Variants in SERPINI1 observed in about 807,000 individuals in gnomAD.
SERPINI1 encodes the protein neuroserpin.
A neutral mutation model predicts 41.1 loss-of-function variants in SERPINI1; 19 were observed. That is an observed-to-expected ratio of 0.46 (90% confidence interval 0.32 to 0.68). SERPINI1 has a LOEUF of 0.68. SERPINI1 is among the 30% of genes least tolerant of loss of function. SERPINI1 has a pLI of 0.03. For missense variants in SERPINI1, 460 were observed against 479.2 expected, an observed-to-expected ratio of 0.96 and a Z score of 0.37; for synonymous variants, 138 against 156.6, an observed-to-expected ratio of 0.88 and a Z score of 0.89.
rs765347701 is a variant in SERPINI1 at position 167,825,275 on chromosome 3, G to A, written c.1185G>A (p.Met395Ile). 1.9e-6 allele frequency: 3 copies of A among 1,613,348 alleles called. No individual in the cohort carries two copies. In the South Asian group the frequency reaches 3.3e-5, roughly 18 times the overall value. The change falls in exon 9 of 9, where the codon ATG becomes ATA. Residue 395 changes from methionine to isoleucine, a missense_variant. Coordinates refer to ENST00000446050, the MANE Select transcript of SERPINI1 (RefSeq NM_001122752.2). Reference sequence around the variant, plus strand: ...CAATTCTATTCATGGGACGAGTCATGCATCCTGAAACAATGAACACAAGTG... The same window carrying A: ...CAATTCTATTCATGGGACGAGTCATACATCCTGAAACAATGAACACAAGTG... ...TGTILFMGRVMHPETMNTSGH... is the reference protein window; with the variant it reads ...TGTILFMGRVIHPETMNTSGH...
chr3:167,789,828 T>A (rs1329753698), intron 2 of SERPINI1, among the ~76,000 whole-genome samples: 1 of 152,210 alleles, frequency 6.6e-6, no homozygotes, highest in Non-Finnish European at 1.5e-5. Flanking sequence ...AGTGTTATCT[T>A]ATTATAAAAA....
intron 1 of SERPINI1, among the ~76,000 whole-genome samples, chr3:167,766,453 A>G (rs773870986): frequency 2.2e-4 from 34 of 152,160 alleles, no homozygotes; most frequent in Non-Finnish European, 2.8e-4. Context: ...CCCTGATTCA[A>G]TTATCTCCCA....
At chr3:167,806,736 C>CATG (rs1345746103) in intron 5 of SERPINI1, among the ~76,000 whole-genome samples, 1 of 151,814 alleles carries the variant, frequency 6.6e-6, no homozygotes, top group Non-Finnish European at 1.5e-5. Flanking sequence ...TAACCTTGTC[C>CATG]ATGGCATTGA....
chr3:167,784,133 T>C (rs936765338), intron 1 of SERPINI1, among the ~76,000 whole-genome samples: 3 of 115,570 alleles, frequency 2.6e-5, no homozygotes, highest in Non-Finnish European at 5.4e-5. Context: ...CTAACATTGC[T>C]TTTTTTTTCT....
At chr3:167,745,964 ATAT>A (rs1725851493) in intron 1 of SERPINI1, among the ~76,000 whole-genome samples, 1 of 152,164 alleles carries the variant, frequency 6.6e-6, no homozygotes, top group Admixed American at 6.5e-5. Context: ...GAAAGACTTA[ATAT>A]TGTTGGGATG....
Position 167,789,148 on chromosome 3 carries a change from T to C in SERPINI1, c.20T>C (p.Phe7Ser), listed in dbSNP as rs191197474. 9 of 1,614,140 alleles carry C rather than the reference T, an allele frequency of 5.6e-6. No individual in the cohort carries two copies. Among genetic ancestry groups the C allele is most frequent in the Non-Finnish European group, 7.6e-6 (9 of 1,179,994 alleles). The change falls in exon 2 of 9, where the codon TTC becomes TCC. Residue 7 changes from phenylalanine to serine, a missense_variant. Transcript: ENST00000446050. ...TACAATATGGCTTTCCTTGGACTCTTCTCTTTGCTGGTTCTGCAAAGTATG... is the reference window on the plus strand; with the variant it reads ...TACAATATGGCTTTCCTTGGACTCTCCTCTTTGCTGGTTCTGCAAAGTATG... MAFLGL[F>S]SLLVLQSMAT...
At chr3:167,811,029 C>A (rs1231913078) in intron 6 of SERPINI1, among the ~76,000 whole-genome samples, 1 of 152,026 alleles carries the variant, frequency 6.6e-6, no homozygotes, top group Admixed American at 6.6e-5. Flanking sequence ...GGGTTCACTT[C>A]TAATTCAAGT....
chr3:167,795,096 C>T (rs1727671199), intron 5 of SERPINI1, among the ~76,000 whole-genome samples: 1 of 152,052 alleles, frequency 6.6e-6, no homozygotes, highest in Non-Finnish European at 1.5e-5. Flanking sequence ...TCATCGAGAC[C>T]TAGTTTCAGA....
chr3:167,745,037 A>C (rs1245771945), intron 1 of SERPINI1, among the ~76,000 whole-genome samples: 1 of 151,058 alleles, frequency 6.6e-6, no homozygotes, highest in Non-Finnish European at 1.5e-5. Flanking sequence ...CATAAATAAA[A>C]GTATTGTTGG....
chr3:167,792,164 C>T (rs746877477), intron 3 of SERPINI1, among the ~76,000 whole-genome samples: 2 of 151,896 alleles, frequency 1.3e-5, no homozygotes, highest in Non-Finnish European at 2.9e-5. Flanking sequence ...AACTTTGAAG[C>T]ATTTATTGAG....
At chr3:167,772,864 C>CTCTCTCTCTCTCTCTATATA (rs1374013676) in intron 1 of SERPINI1, among the ~76,000 whole-genome samples, 8 of 24,658 alleles carry the variant, frequency 3.2e-4, no homozygotes, top group Admixed American at 6.3e-4. Context: ...CTCTCTCTCT[C>CTCTCTCTCTCTCTCTATATA]TATATATATA....
chr3:167,750,680 ACTAT>A (rs1726014627), intron 1 of SERPINI1, among the ~76,000 whole-genome samples: 1 of 151,996 alleles, frequency 6.6e-6, no homozygotes, highest in African/African-American at 2.4e-5. Context: ...TGAGACAAGT[ACTAT>A]CATAATTCTC....
chr3:167,782,626 A>C (rs1004873177), intron 1 of SERPINI1, among the ~76,000 whole-genome samples: 21 of 152,230 alleles, frequency 1.4e-4, no homozygotes, highest in African/African-American at 4.8e-4. Context: ...TTAGGACAAG[A>C]GATGATCCAT....
intron 1 of SERPINI1, among the ~76,000 whole-genome samples, chr3:167,747,976 C>G (rs958068928): frequency 1.3e-5 from 2 of 150,224 alleles, no homozygotes; most frequent in Non-Finnish European, 3.0e-5. Flanking sequence ...AGGAAAAAGC[C>G]TAAGCAACTT....
At chr3:167,755,178 G>A (rs1307347093) in intron 1 of SERPINI1, among the ~76,000 whole-genome samples, 2 of 152,200 alleles carry the variant, frequency 1.3e-5, no homozygotes, top group African/African-American at 4.8e-5. Context: ...AAGTTTAGCT[G>A]TATGGGAAAG....
rs187987733 is a variant in SERPINI1, at chr3:167,749,401, A to G, written c.-19+13578A>G. On this transcript the variant is annotated intron_variant, in intron 1 of 8. Transcript: ENST00000446050. ...TTCAGCTAGCTGCCTGGCATGAATA[A>G]TCCATCACTGAGGACCATTAACCAT... is the stretch of plus-strand genomic sequence containing the variant. Among the ~76,000 whole-genome samples, 681 of 152,244 alleles carry G rather than the reference A, an allele frequency of 4.5e-3. 3 individuals carry two copies. Among genetic ancestry groups the G allele is most frequent in the Non-Finnish European group, 7.3e-3 (494 of 68,038 alleles).
chr3:167,819,073 AAAT>A (rs1160933876), intron 6 of SERPINI1, among the ~76,000 whole-genome samples: 1 of 152,246 alleles, frequency 6.6e-6, no homozygotes, highest in Non-Finnish European at 1.5e-5. Context: ...CAGAATCTGA[AAAT>A]AATACAGCAT....
At chr3:167,755,522 A>T (rs1726165855) in intron 1 of SERPINI1, among the ~76,000 whole-genome samples, 2 of 152,232 alleles carry the variant, frequency 1.3e-5, no homozygotes, top group African/African-American at 4.8e-5. Flanking sequence ...TTTTAGGTTA[A>T]GCAATTCAGA....
chr3:167,753,795 C>T (rs1310057300), intron 1 of SERPINI1, among the ~76,000 whole-genome samples: 2 of 152,104 alleles, frequency 1.3e-5, no homozygotes, highest in South Asian at 4.1e-4. Flanking sequence ...AACTGTATAT[C>T]AGAAGACTAT....
Sources: gnomAD v4.1 joint callset for allele counts (sites outside exome capture counted in the v4.1 genomes callset) on GRCh38, gnomAD v4.1.1 for gene constraint, MANE v1.5 for transcripts, NCBI Gene and HGNC (gene_info 2026-07-23, HGNC 2026-07-21) for gene names.